SPTBN1: variants seen among roughly 807,000 people sequenced by gnomAD.
SPTBN1 encodes spectrin beta chain, non-erythrocytic 1.
A neutral mutation model predicts 266.4 loss-of-function variants in SPTBN1; 32 were observed. The ratio of observed to expected loss-of-function variants is 0.12; its 90% CI spans 0.09 to 0.16. The LOEUF is 0.16. Among genes scored for constraint, SPTBN1 ranks in the 10% least tolerant of loss-of-function variants. SPTBN1 has a pLI of 1.00. For synonymous variants in SPTBN1, 1,336 were observed against 1,162.2 expected, an observed-to-expected ratio of 1.15 and a Z score of -3.04; for missense variants, 2,296 against 3,067.1, an observed-to-expected ratio of 0.75 and a Z score of 5.94.
chr2:54,457,756 T>G (rs1304646022), intron 1 of SPTBN1, among the ~76,000 whole-genome samples: 1 of 152,220 alleles, frequency 6.6e-6, no homozygotes, highest in East Asian at 1.9e-4. Context: ...TGCTACCTTG[T>G]CCTGCAGCTT....
At chr2:54,520,384 A>C (rs2104285381) in intron 1 of SPTBN1, 1 of 152,336 alleles carries the variant, frequency 6.6e-6, no homozygotes. Flanking sequence ...GACCTGTGGT[A>C]GCTCATGCCA....
chr2:54,533,611 C>T lies in SPTBN1; in HGVS notation c.148+7045C>T, dbSNP rs1022480278. Among the ~76,000 whole-genome samples, 2 of 152,106 alleles carry T rather than the reference C, an allele frequency of 1.3e-5. No homozygotes were observed. The highest frequency in any genetic ancestry group is 2.1e-4 in the South Asian group (1 of 4,822). ...TGTCACCCAGGCTGTAGTACGATGG[C>T]GCGATCTTGGCTCACTGCAACCTCC... is the stretch of plus-strand genomic sequence containing the variant. On this transcript the variant is annotated intron_variant, in intron 2 of 35. Coordinates refer to ENST00000356805, the MANE Select transcript of SPTBN1 (RefSeq NM_003128.3). This position sits in a 1 kb window ranked among gnomAD's most constrained non-coding sequence, Gnocchi z 4.2.
At position 54,671,372 on chromosome 2, in the gene SPTBN1, G is replaced by A. The variant is rs556130343; in HGVS notation, c.*2803G>A. ...GAACTGTTAGAATTGCTTGTGTATG[G>A]GGATCCTATGTTAGTTCCCCTGGAT... On this transcript the variant is annotated 3_prime_UTR_variant, in exon 36 of 36. Coordinates refer to ENST00000356805, the MANE Select transcript of SPTBN1 (RefSeq NM_003128.3). The A allele has an allele frequency of 6.6e-6, 1 of 152,214 alleles. No homozygotes were observed. The highest frequency in any genetic ancestry group is 2.4e-5 in the African/African-American group (1 of 41,502). The allele number at this position is 152,214 out of a possible 1,614,324, so 9.4% of individuals were successfully genotyped here.
intron 7 of SPTBN1, 86 bp from the exon 8 acceptor site, chr2:54,621,314 A>G: frequency 5.5e-6 from 5 of 904,152 alleles, no homozygotes; most frequent in Non-Finnish European, 9.0e-6. Context: ...TTCCATGTTG[A>G]CCAGCAGTCG....
intron 1 of SPTBN1, among the ~76,000 whole-genome samples, chr2:54,514,926 A>G (rs1670039387): frequency 6.6e-6 from 1 of 152,238 alleles, no homozygotes; most frequent in Non-Finnish European, 1.5e-5. Context: ...CCTGGGGACT[A>G]GATTGCTTTT....
intron 2 of SPTBN1, among the ~76,000 whole-genome samples, chr2:54,568,237 C>T (rs141024055): frequency 2.4e-4 from 36 of 151,076 alleles, no homozygotes; most frequent in Non-Finnish European, 3.7e-4. Flanking sequence ...AAAAATCAGC[C>T]GGTTGTGGTG....
intron 2 of SPTBN1, among the ~76,000 whole-genome samples, chr2:54,592,277 T>A (rs994517036): frequency 6.6e-6 from 1 of 152,258 alleles, no homozygotes; most frequent in Non-Finnish European, 1.5e-5. Context: ...GTAGATGTTA[T>A]GCTTCTAGAA....
intron 3 of SPTBN1, among the ~76,000 whole-genome samples, chr2:54,607,031 A>G (rs1186994003): frequency 3.9e-5 from 6 of 152,260 alleles, no homozygotes; most frequent in Non-Finnish European, 8.8e-5. Context: ...TAACCGAATT[A>G]AAATCATTTT....
intron 3 of SPTBN1, among the ~76,000 whole-genome samples, chr2:54,604,843 A>T (rs1676731433): frequency 6.6e-6 from 1 of 152,182 alleles, no homozygotes; most frequent in South Asian, 2.1e-4. Context: ...TCTTAAAATG[A>T]TTTAAAGGAG....
intron 1 of SPTBN1, among the ~76,000 whole-genome samples, chr2:54,511,178 A>G (rs1669840409): frequency 6.6e-6 from 1 of 152,172 alleles, no homozygotes; most frequent in Non-Finnish European, 1.5e-5. Flanking sequence ...TATTTTAGGC[A>G]CCATCGCTCA....
intron 3 of SPTBN1, among the ~76,000 whole-genome samples, chr2:54,611,074 CTG>C (rs61525285): frequency 0.13 from 20,497 of 152,126 alleles, 1,478 homozygotes; most frequent in Middle Eastern, 0.23. Flanking sequence ...CCATTACAAT[CTG>C]TGTTTGTGTG....
intron 7 of SPTBN1, among the ~76,000 whole-genome samples, chr2:54,620,368 C>G (rs781449249): frequency 7.9e-5 from 12 of 152,090 alleles, no homozygotes; most frequent in Non-Finnish European, 5.9e-5. Context: ...TGAAATGGAC[C>G]TTGATGGATA....
chr2:54,489,615 C>G (rs925173607), intron 1 of SPTBN1, among the ~76,000 whole-genome samples: 2 of 152,172 alleles, frequency 1.3e-5, no homozygotes, highest in Non-Finnish European at 2.9e-5. Flanking sequence ...ATGAGAATCA[C>G]TTGAACCTGG....
chr2:54,661,049 C>T (rs1681008693), intron 32 of SPTBN1: 1 of 985,208 alleles, frequency 1.0e-6, no homozygotes, highest in African/African-American at 1.7e-5. Flanking sequence ...GCTCGCATGC[C>T]CCCTGGCTTC....
At chr2:54,551,467 A>G (rs542264356) in intron 2 of SPTBN1, among the ~76,000 whole-genome samples, 1 of 152,118 alleles carries the variant, frequency 6.6e-6, no homozygotes, top group African/African-American at 2.4e-5. Context: ...ATGTGTAGAT[A>G]ACAGACACGG....
chr2:54,651,057 A>G (rs1217439497), intron 26 of SPTBN1, among the ~76,000 whole-genome samples: 1 of 152,176 alleles, frequency 6.6e-6, no homozygotes, highest in Non-Finnish European at 1.5e-5. Flanking sequence ...TGCAAAACAT[A>G]TGACATAGTG....
chr2:54,507,115 G>T (rs891066796), intron 1 of SPTBN1, among the ~76,000 whole-genome samples: 7 of 152,110 alleles, frequency 4.6e-5, no homozygotes, highest in Non-Finnish European at 1.0e-4. Context: ...TAAGGGTGGT[G>T]GAGATTACAA....
At chr2:54,625,828 T>G (rs917574043) in intron 11 of SPTBN1, 104 bp from the exon 12 acceptor site, 1 of 1,275,442 alleles carries the variant, frequency 7.8e-7, no homozygotes, top group Non-Finnish European at 1.1e-6. Context: ...TGACCTCAAG[T>G]GATCTGCCCG....
At position 54,664,368 on chromosome 2, in the gene SPTBN1, A is replaced by G. The variant is rs1681236736; in HGVS notation, c.6421-85A>G. 7.3e-7 allele frequency: 1 copy of G among 1,367,544 alleles called. No homozygotes were observed. Among genetic ancestry groups the G allele is most frequent in the Non-Finnish European group, 1.0e-6 (1 of 981,940 alleles). The allele number at this position is 1,367,544 out of a possible 1,614,324, so 84.7% of individuals were successfully genotyped here. On this transcript the variant is annotated intron_variant, in intron 32 of 35. Transcript: ENST00000356805. This position sits in a 1 kb window ranked among gnomAD's most constrained non-coding sequence, Gnocchi z 5.6. ...CGATCTGTGCCAGGCATTTATACACAGCCACATGTGCGAGTCAGGTAGAGC... is the reference window on the plus strand; with the variant it reads ...CGATCTGTGCCAGGCATTTATACACGGCCACATGTGCGAGTCAGGTAGAGC...
Sources: gnomAD v4.1 joint callset for allele counts (sites outside exome capture counted in the v4.1 genomes callset) on GRCh38, gnomAD v4.1.1 for gene constraint, Gnocchi (gnomAD v3.1) non-coding constraint, MANE v1.5 for transcripts, NCBI Gene and HGNC (gene_info 2026-07-23, HGNC 2026-07-21) for gene names.